The following EPHB2 variants were observed in gnomAD, a reference collection of about 807,000 sequenced individuals.
EPHB2 encodes the protein EPH receptor B2.
Under a neutral mutation model 96.4 loss-of-function variants are expected in EPHB2, and 18 were observed. The ratio of observed to expected loss-of-function variants is 0.19; its 90% CI spans 0.13 to 0.28. The LOEUF is 0.28. EPHB2 is among the 10% of genes least tolerant of loss of function. The pLI, the probability that EPHB2 is intolerant of heterozygous loss-of-function variation, is 1.00. For missense variants in EPHB2, 989 were observed against 1,355.4 expected, an observed-to-expected ratio of 0.73 and a Z score of 4.25; for synonymous variants, 506 against 534.1, an observed-to-expected ratio of 0.95 and a Z score of 0.72.
At chr1:22,775,433 A>G (rs544872330) in intron 1 of EPHB2, among the ~76,000 whole-genome samples, 109 of 152,370 alleles carry the variant, frequency 7.2e-4, no homozygotes, top group African/African-American at 2.5e-3. Context: ...AGTGCAGACA[A>G]ACAGCATCTG....
At chr1:22,824,838 C>T (rs4073886) in intron 3 of EPHB2, among the ~76,000 whole-genome samples, 5,089 of 152,290 alleles carry the variant, frequency 0.033, 117 homozygotes, top group Non-Finnish European at 0.053. Context: ...GTGAGCATTC[C>T]GTCCCAGGGC....
intron 3 of EPHB2, among the ~76,000 whole-genome samples, chr1:22,811,768 G>C (rs553311801): frequency 6.6e-6 from 1 of 152,368 alleles, no homozygotes; most frequent in East Asian, 1.9e-4. Context: ...GCCGGGGGCA[G>C]TGGCTCATGC....
chr1:22,814,557 C>A (rs1645046189), intron 3 of EPHB2, among the ~76,000 whole-genome samples: 1 of 152,228 alleles, frequency 6.6e-6, no homozygotes, highest in Admixed American at 6.5e-5. Context: ...CCCTGTCAAG[C>A]CTCCTTGCAC....
chr1:22,911,189 A>G (rs1244625175), intron 14 of EPHB2, among the ~76,000 whole-genome samples: 2 of 151,382 alleles, frequency 1.3e-5, no homozygotes, highest in Non-Finnish European at 2.9e-5. Context: ...TAATTACCAA[A>G]GGATCCAGAA....
intron 3 of EPHB2, among the ~76,000 whole-genome samples, chr1:22,802,111 T>G (rs1570303934): frequency 3.5e-5 from 5 of 144,908 alleles, no homozygotes; most frequent in African/African-American, 1.0e-4. Context: ...AGGCAGAGAG[T>G]GGAGGAGGGG....
At chr1:22,899,611 C>T (rs907471388) in intron 9 of EPHB2, among the ~76,000 whole-genome samples, 1 of 152,100 alleles carries the variant, frequency 6.6e-6, no homozygotes, top group African/African-American at 2.4e-5. Context: ...AGAAAAGGAC[C>T]TTCTAAACAT....
At position 22,858,282 on chromosome 1, in the gene EPHB2, G is replaced by A. The variant is rs541013063; in HGVS notation, c.812-4755G>A. On this transcript the variant is annotated intron_variant, in intron 3 of 15. Transcript: ENST00000374630. The surrounding 1 kb of genome is among the most constrained non-coding windows in gnomAD (Gnocchi z 7.7). ...CAGGACCAACCTCACAGGCCTTGTA[G>A]CCAGGCTAGGCATGTGGGTCTATTC... Among the ~76,000 whole-genome samples the A allele has an allele frequency of 5.9e-5, 9 of 152,318 alleles. No individual in the cohort carries two copies. Among genetic ancestry groups the A allele is most frequent in the South Asian group, 2.1e-4 (1 of 4,828 alleles).
At chr1:22,876,531 C>T (rs1234906681) in intron 5 of EPHB2, among the ~76,000 whole-genome samples, 2 of 152,164 alleles carry the variant, frequency 1.3e-5, no homozygotes, top group Admixed American at 6.5e-5. Context: ...AAGCAGGCCC[C>T]GCCTGGCCGG....
In EPHB2 at chr1:22,869,014, G is replaced by A. The variant is rs147634516; in HGVS notation, c.1303+3802G>A. On this transcript the variant is annotated intron_variant, in intron 5 of 15. Coordinates refer to ENST00000374630, the MANE Select transcript of EPHB2 (RefSeq NM_017449.5). ...AGTGAGTCAGGTGTTTCTTACCATC[G>A]GACAAATTTGGGAAACTCAGGTCTG... 7.2e-3 allele frequency among the ~76,000 whole-genome samples: 1,091 copies of A among 152,172 alleles called. 14 individuals carry two copies. The highest frequency in any genetic ancestry group is 0.024 in the African/African-American group (998 of 41,500).
chr1:22,910,160 C>T (rs186545454), intron 13 of EPHB2, among the ~76,000 whole-genome samples: 14 of 152,198 alleles, frequency 9.2e-5, no homozygotes, highest in Admixed American at 9.2e-4. Flanking sequence ...CCAAGATTGG[C>T]AAAGGGTGGG....
At chr1:22,904,976 G>A (rs763965403) in intron 9 of EPHB2, among the ~76,000 whole-genome samples, 2 of 152,322 alleles carry the variant, frequency 1.3e-5, no homozygotes, top group African/African-American at 2.4e-5. Context: ...TGCAGCTCCC[G>A]GAGTGGCAGG....
intron 1 of EPHB2, among the ~76,000 whole-genome samples, chr1:22,763,015 C>G (rs1178029318): frequency 6.6e-6 from 1 of 152,126 alleles, no homozygotes; most frequent in Non-Finnish European, 1.5e-5. Context: ...GGGCACGATT[C>G]CTACCTCGAG....
At position 22,913,674 on chromosome 1, in the gene EPHB2, G is replaced by A. The variant is rs1384225977; in HGVS notation, c.*104G>A. 1.2e-6 allele frequency: 2 copies of A among 1,603,684 alleles called. No individual in the cohort carries two copies. The highest frequency in any genetic ancestry group is 1.7e-6 in the Non-Finnish European group (2 of 1,175,252). On this transcript the variant is annotated 3_prime_UTR_variant, in exon 16 of 16. Transcript: ENST00000374630. This position sits in a 1 kb window ranked among gnomAD's most constrained non-coding sequence, Gnocchi z 4.1. ...CCACTGCAGGGCCAGCCACTCGCCAGGAGGCCACGGGCCACGGGAAGAACC... is the reference window on the plus strand; with the variant it reads ...CCACTGCAGGGCCAGCCACTCGCCAAGAGGCCACGGGCCACGGGAAGAACC...
intron 1 of EPHB2, among the ~76,000 whole-genome samples, chr1:22,714,128 G>A (rs78122760): frequency 0.043 from 6,523 of 152,262 alleles, 430 homozygotes; most frequent in African/African-American, 0.14. Context: ...GCTGGACTCC[G>A]GGGCAGGCAA....
intron 3 of EPHB2, among the ~76,000 whole-genome samples, chr1:22,815,067 G>A (rs1037918432): frequency 2.6e-5 from 4 of 152,200 alleles, no homozygotes; most frequent in Non-Finnish European, 5.9e-5. Context: ...AGAGGTGCTT[G>A]TGGATGCCAA....
intron 5 of EPHB2, among the ~76,000 whole-genome samples, chr1:22,871,133 T>C (rs758911660): frequency 1.4e-4 from 22 of 152,226 alleles, no homozygotes; most frequent in Non-Finnish European, 7.3e-5. Flanking sequence ...TCCTGTTTTA[T>C]AGATGAAAGG....
chr1:22,728,945 A>G (rs933319150), intron 1 of EPHB2, among the ~76,000 whole-genome samples: 1 of 152,140 alleles, frequency 6.6e-6, no homozygotes, highest in African/African-American at 2.4e-5. Context: ...CATCTGTCCC[A>G]AGGTGCGAGG....
At chr1:22,865,320 T>C (rs913256123) in intron 5 of EPHB2, 108 bp downstream of exon 5, 3 of 1,318,000 alleles carry the variant, frequency 2.3e-6, no homozygotes, top group African/African-American at 2.9e-5. Flanking sequence ...GATTTCTTCT[T>C]TTCAAAGGCT....
At chr1:22,866,062 T>C (rs980631265) in intron 5 of EPHB2, among the ~76,000 whole-genome samples, 2 of 152,038 alleles carry the variant, frequency 1.3e-5, no homozygotes, top group African/African-American at 4.8e-5. Flanking sequence ...CTGTCCTCAG[T>C]GTCATAGGAG....
Sources: allele counts gnomAD v4.1 joint callset (sites outside exome capture counted in the v4.1 genomes callset), GRCh38; gene constraint gnomAD v4.1.1; non-coding constraint Gnocchi (gnomAD v3.1); transcripts MANE v1.5; gene names NCBI Gene and HGNC (gene_info 2026-07-23, HGNC 2026-07-21).